The following OXSR1 variants were observed in gnomAD, a reference collection of about 807,000 sequenced individuals.
OXSR1 encodes serine/threonine-protein kinase OSR1.
A neutral mutation model predicts 79.8 loss-of-function variants in OXSR1; 24 were observed. The observed-to-expected ratio is 0.30, with a 90% confidence interval of 0.22 to 0.42. The LOEUF is 0.42. OXSR1 is among the 10% of genes least tolerant of loss of function. OXSR1 has a pLI of 1.00. For missense variants in OXSR1, 430 were observed against 618.4 expected (o/e 0.70, Z 3.23); for synonymous variants, 226 against 209.2 (o/e 1.08, Z -0.69).
At chr3:38,204,085 C>G (rs958272274) in intron 4 of OXSR1, among the ~76,000 whole-genome samples, 1 of 152,118 alleles carries the variant, frequency 6.6e-6, no homozygotes, top group Non-Finnish European at 1.5e-5. Context: ...CCCCTTTCCA[C>G]AAGTAGAGGA....
intron 4 of OXSR1, among the ~76,000 whole-genome samples, chr3:38,207,757 C>G (rs1702295055): frequency 6.6e-6 from 1 of 152,150 alleles, no homozygotes; most frequent in South Asian, 2.1e-4. Context: ...GTGGCTAGAA[C>G]TTTAGTCACA....
chr3:38,241,365 C>T (rs1575370247), intron 11 of OXSR1, among the ~76,000 whole-genome samples: 1 of 152,032 alleles, frequency 6.6e-6, no homozygotes, highest in East Asian at 1.9e-4. Context: ...AAACTACCTG[C>T]AATACATGAT....
intron 4 of OXSR1, among the ~76,000 whole-genome samples, chr3:38,200,968 A>T (rs192305567): frequency 2.6e-5 from 4 of 152,320 alleles, no homozygotes; most frequent in African/African-American, 9.6e-5. Context: ...ATACATGAAG[A>T]ATAGTATCGA....
At chr3:38,196,138 T>C (rs1041563014) in intron 3 of OXSR1, among the ~76,000 whole-genome samples, 1 of 152,216 alleles carries the variant, frequency 6.6e-6, no homozygotes, top group Non-Finnish European at 1.5e-5. Context: ...TATCCCTATA[T>C]ACTATTTCTT....
At chr3:38,231,425 T>G (rs1382960533) in intron 10 of OXSR1, among the ~76,000 whole-genome samples, 1 of 152,128 alleles carries the variant, frequency 6.6e-6, no homozygotes, top group African/African-American at 2.4e-5. Flanking sequence ...ATTATTCTCA[T>G]GGATAGCTAC....
At chr3:38,217,558 C>T (rs1440072507) in intron 5 of OXSR1, among the ~76,000 whole-genome samples, 5 of 152,086 alleles carry the variant, frequency 3.3e-5, no homozygotes, top group South Asian at 2.1e-4. Flanking sequence ...GAGACAGTCT[C>T]GCTCTGTTGC....
At chr3:38,215,307 T>C (rs1027968530) in intron 4 of OXSR1, among the ~76,000 whole-genome samples, 3 of 152,228 alleles carry the variant, frequency 2.0e-5, no homozygotes, top group Admixed American at 6.5e-5. Context: ...TGTTTTTTAT[T>C]ACAAACAATG....
At chr3:38,208,087 C>T (rs1702305708) in intron 4 of OXSR1, among the ~76,000 whole-genome samples, 1 of 151,762 alleles carries the variant, frequency 6.6e-6, no homozygotes, top group Non-Finnish European at 1.5e-5. Context: ...TTGCTAATAT[C>T]AAGGTATGCA....
chr3:38,207,242 T>C (rs911213176), intron 4 of OXSR1, among the ~76,000 whole-genome samples: 4 of 152,240 alleles, frequency 2.6e-5, no homozygotes, highest in African/African-American at 9.6e-5. Flanking sequence ...GTTTGTGGAC[T>C]GTAGTTTGCC....
chr3:38,170,438 T>G (rs1463889992), intron 1 of OXSR1, among the ~76,000 whole-genome samples: 3 of 152,230 alleles, frequency 2.0e-5, no homozygotes, highest in Non-Finnish European at 2.9e-5. Context: ...GCTTTTGGTG[T>G]TGTATCTAAG....
rs55915229 is a variant in OXSR1, at chr3:38,183,028, A to G, written c.96A>G (p.Gln32=). 176 of 1,612,400 alleles carry G rather than the reference A, an allele frequency of 1.1e-4. No individual in the cohort carries two copies. The South Asian group carries it at 1.5e-3, about 14-fold the overall frequency. Residue 32 remains glutamine (Q), a synonymous_variant, in exon 2 of 18, where the codon CAA becomes CAG. Coordinates refer to ENST00000311806, the MANE Select transcript of OXSR1 (RefSeq NM_005109.3). ...VIGSGATAVV[Q]AAYCAPKKEK... is the part of the protein sequence containing the mutation. Reference sequence around the variant, plus strand: ...GGAGTGGAGCAACTGCTGTAGTCCAAGCAGCTTATTGTGCCCCTAAAAAGG... The same window carrying G: ...GGAGTGGAGCAACTGCTGTAGTCCAGGCAGCTTATTGTGCCCCTAAAAAGG...
intron 1 of OXSR1, among the ~76,000 whole-genome samples, chr3:38,179,777 TATTTTCCATCTGC>T (rs150915911): frequency 0.016 from 2,445 of 152,214 alleles, 70 homozygotes; most frequent in African/African-American, 0.054. Flanking sequence ...GTGAATACTG[TATTTTCCATCTGC>T]ATTTGATTGG....
intron 4 of OXSR1, among the ~76,000 whole-genome samples, chr3:38,201,333 G>A (rs575469943): frequency 5.9e-5 from 9 of 151,320 alleles, no homozygotes; most frequent in African/African-American, 1.9e-4. Context: ...TTTGAGAGGC[G>A]GGCGGATTGC....
chr3:38,196,142 ATT>A (rs1199332567), intron 3 of OXSR1, among the ~76,000 whole-genome samples: 1 of 152,106 alleles, frequency 6.6e-6, no homozygotes, highest in Non-Finnish European at 1.5e-5. Context: ...CCTATATACT[ATT>A]TCTTACAAGT....
At chr3:38,170,900 C>T (rs895725549) in intron 1 of OXSR1, among the ~76,000 whole-genome samples, 1 of 152,178 alleles carries the variant, frequency 6.6e-6, no homozygotes, top group African/African-American at 2.4e-5. Flanking sequence ...GCCTCGTCCT[C>T]CCCAGTAGCT....
intron 1 of OXSR1, among the ~76,000 whole-genome samples, chr3:38,174,507 G>A (rs1410221899): frequency 6.6e-6 from 1 of 152,130 alleles, no homozygotes; most frequent in African/African-American, 2.4e-5. Context: ...GCTTGAACCC[G>A]AGTGACAGAG....
At chr3:38,167,972 G>T (rs1358660790) in intron 1 of OXSR1, among the ~76,000 whole-genome samples, 2 of 150,744 alleles carry the variant, frequency 1.3e-5, no homozygotes, top group Non-Finnish European at 2.9e-5. Context: ...AGCCTTTGCT[G>T]TTAAGGTGGC....
At chr3:38,227,968 T>C (rs1342503492) in intron 8 of OXSR1, among the ~76,000 whole-genome samples, 1 of 152,214 alleles carries the variant, frequency 6.6e-6, no homozygotes, top group Non-Finnish European at 1.5e-5. Context: ...TTCTGTAATA[T>C]GTGTATTAGG....
Position 38,230,370 on chromosome 3 carries a change from A to G in OXSR1, c.891A>G (p.Lys297=), listed in dbSNP as rs1559521993. ...RHKFFQKAKN[K]EFLQEKTLQR... is the part of the protein sequence containing the mutation. The stretch of plus-strand genomic sequence containing the variant: ...TACTTACTTTTCCTCTCCAGAATAA[A>G]GAATTTCTTCAAGAAAAAACATTGC... Residue 297 remains lysine (K), a synonymous_variant, in exon 10 of 18, where the codon AAA becomes AAG. Transcript: ENST00000311806. The G allele has an allele frequency of 4.4e-6, 7 of 1,590,494 alleles. No homozygotes were observed. Among genetic ancestry groups the G allele is most frequent in the Middle Eastern group, 1.7e-4 (1 of 5,982 alleles).
Sources: allele counts gnomAD v4.1 joint callset (sites outside exome capture counted in the v4.1 genomes callset), GRCh38; gene constraint gnomAD v4.1.1; transcripts MANE v1.5; gene names NCBI Gene and HGNC (gene_info 2026-07-23, HGNC 2026-07-21).